Variants in ADAMTS12 observed in about 807,000 individuals in gnomAD.
The protein encoded by ADAMTS12 is ADAM metallopeptidase with thrombospondin type 1 motif 12.
Under a neutral mutation model 167.8 loss-of-function variants are expected in ADAMTS12, and 118 were observed. The observed-to-expected ratio is 0.70, with a 90% confidence interval of 0.61 to 0.82. ADAMTS12 has a LOEUF of 0.82. ADAMTS12 is among the 40% of genes least tolerant of loss of function. ADAMTS12 has a pLI of 0.00. For missense variants in ADAMTS12, 1,916 were observed against 1,998.8 expected (o/e 0.96, Z 0.79); for synonymous variants, 704 against 716.9 (o/e 0.98, Z 0.29).
At chr5:33,760,700 G>C (rs1745322387) in intron 2 of ADAMTS12, among the ~76,000 whole-genome samples, 1 of 152,170 alleles carries the variant, frequency 6.6e-6, no homozygotes, top group Non-Finnish European at 1.5e-5. Context: ...CTCTAACACT[G>C]TTCTCAGGGA....
chr5:33,653,969 G>T (rs1318320824), intron 7 of ADAMTS12, among the ~76,000 whole-genome samples: 1 of 152,020 alleles, frequency 6.6e-6, no homozygotes. Flanking sequence ...ATTCTCACGG[G>T]TCTCTGAAGC....
intron 2 of ADAMTS12, among the ~76,000 whole-genome samples, chr5:33,794,621 T>C (rs1746703870): frequency 8.9e-6 from 1 of 111,864 alleles, no homozygotes; most frequent in Non-Finnish European, 2.0e-5. Flanking sequence ...GGCACGGCAC[T>C]TCTTCCTACG....
At chr5:33,556,767 C>T (rs1172875794) in intron 20 of ADAMTS12, among the ~76,000 whole-genome samples, 1 of 152,128 alleles carries the variant, frequency 6.6e-6, no homozygotes, top group Non-Finnish European at 1.5e-5. Flanking sequence ...CTCACTCATG[C>T]CCAGAGAGAA....
chr5:33,880,532 G>A (rs1750391630), intron 2 of ADAMTS12, among the ~76,000 whole-genome samples: 1 of 152,176 alleles, frequency 6.6e-6, no homozygotes. Context: ...ATAAAAACAA[G>A]AGGCAGGCCA....
intron 7 of ADAMTS12, among the ~76,000 whole-genome samples, chr5:33,652,350 G>A (rs537870438): frequency 2.0e-5 from 3 of 152,228 alleles, no homozygotes; most frequent in African/African-American, 7.2e-5. Flanking sequence ...ATACCTCACT[G>A]TGGTTTTAAT....
chr5:33,613,684 C>T (rs937522257), intron 16 of ADAMTS12, among the ~76,000 whole-genome samples: 6 of 152,184 alleles, frequency 3.9e-5, no homozygotes, highest in African/African-American at 1.4e-4. Flanking sequence ...ACTAAGATTT[C>T]AATTTTTTTG....
intron 2 of ADAMTS12, among the ~76,000 whole-genome samples, chr5:33,821,937 T>C (rs771533216): frequency 2.6e-5 from 4 of 152,226 alleles, no homozygotes; most frequent in Non-Finnish European, 4.4e-5. Context: ...TGAAACTGTC[T>C]ACCTTCTGTC....
rs1747492093 is a variant in ADAMTS12, at chr5:33,588,814, A to C, written c.2655-5T>G. On this transcript the variant is annotated splice_region_variant and splice_polypyrimidine_tract_variant and intron_variant, in intron 17 of 23. Transcript: ENST00000504830. The stretch of plus-strand genomic sequence containing the variant: ...TCCCACTCCCCTGCCCACCACCTGC[A>C]GGCAAACATGGATATGTGAGAGAAG... 3 of 1,612,638 alleles carry C rather than the reference A, an allele frequency of 1.9e-6. No individual in the cohort carries two copies. Among genetic ancestry groups the C allele is most frequent in the Non-Finnish European group, 2.5e-6 (3 of 1,179,994 alleles).
intron 5 of ADAMTS12, among the ~76,000 whole-genome samples, chr5:33,682,000 G>A (rs1469915486): frequency 6.6e-6 from 1 of 152,178 alleles, no homozygotes; most frequent in East Asian, 1.9e-4. Context: ...ATCAATTATG[G>A]CTGCATTTAA....
chr5:33,852,943 T>C (rs1009183336), intron 2 of ADAMTS12, among the ~76,000 whole-genome samples: 3 of 152,166 alleles, frequency 2.0e-5, no homozygotes, highest in East Asian at 1.9e-4. Context: ...TCCCCATTCA[T>C]TTAGTCAGGG....
chr5:33,641,783 A>G, intron 11 of ADAMTS12, 27 bp downstream of exon 11: 1 of 1,556,650 alleles, frequency 6.4e-7, no homozygotes, highest in Non-Finnish European at 8.8e-7. Context: ...ATGTGGAGAG[A>G]AGGGAAATAT....
At chr5:33,817,803 T>G (rs1331260059) in intron 2 of ADAMTS12, among the ~76,000 whole-genome samples, 7 of 152,186 alleles carry the variant, frequency 4.6e-5, no homozygotes, top group African/African-American at 1.4e-4. Flanking sequence ...TATTCAGATG[T>G]CCCTGATCAT....
At chr5:33,692,710 A>G (rs9292508) in intron 3 of ADAMTS12, among the ~76,000 whole-genome samples, 6,797 of 152,244 alleles carry the variant, frequency 0.045, 312 homozygotes, top group East Asian at 0.17. Context: ...ACAGCATTCA[A>G]TCCGTCCCCT....
intron 13 of ADAMTS12, among the ~76,000 whole-genome samples, chr5:33,624,855 T>C (rs1325285885): frequency 1.3e-5 from 2 of 152,234 alleles, no homozygotes; most frequent in South Asian, 2.1e-4. Flanking sequence ...GGGAAAGCTA[T>C]ACCATATTCC....
chr5:33,835,047 G>A (rs1433973670), intron 2 of ADAMTS12, among the ~76,000 whole-genome samples: 1 of 152,124 alleles, frequency 6.6e-6, no homozygotes, highest in Non-Finnish European at 1.5e-5. Context: ...CCAGGAATGC[G>A]GCTAACCATT....
At chr5:33,638,354 T>C (rs1053871385) in intron 11 of ADAMTS12, among the ~76,000 whole-genome samples, 6 of 152,218 alleles carry the variant, frequency 3.9e-5, no homozygotes, top group Non-Finnish European at 5.9e-5. Flanking sequence ...CAGCATCCAA[T>C]GGTCACATCA....
intron 2 of ADAMTS12, among the ~76,000 whole-genome samples, chr5:33,868,478 G>T (rs2111724464): frequency 6.6e-6 from 1 of 152,318 alleles, no homozygotes; most frequent in African/African-American, 2.4e-5. Context: ...CTAGAGCAAA[G>T]GTCACTTTTG....
At chr5:33,561,367 G>A (rs954081298) in intron 19 of ADAMTS12, among the ~76,000 whole-genome samples, 188 bp from the exon 20 acceptor site, 5 of 152,222 alleles carry the variant, frequency 3.3e-5, no homozygotes, top group Non-Finnish European at 7.3e-5. Flanking sequence ...GGTAGGACCC[G>A]GGGATGCTCA....
At chr5:33,878,904 C>T (rs1342583251) in intron 2 of ADAMTS12, among the ~76,000 whole-genome samples, 2 of 152,138 alleles carry the variant, frequency 1.3e-5, no homozygotes, top group African/African-American at 4.8e-5. Flanking sequence ...TAGTCCAGGG[C>T]TCCTCCAACT....
Sources: gnomAD v4.1 joint callset for allele counts (sites outside exome capture counted in the v4.1 genomes callset) on GRCh38, gnomAD v4.1.1 for gene constraint, MANE v1.5 for transcripts, NCBI Gene and HGNC (gene_info 2026-07-23, HGNC 2026-07-21) for gene names.